The following ADCY2 variants were observed in gnomAD, a reference collection of about 807,000 sequenced individuals.
ADCY2 encodes the protein adenylate cyclase type 2.
ADCY2 carries 31 observed loss-of-function variants against 125.2 expected under a neutral mutation model. The observed-to-expected ratio is 0.25, with a 90% CI of 0.19 to 0.33. The LOEUF (loss-of-function observed/expected upper bound fraction) is 0.33, where lower values mean the gene tolerates loss of function less well. Among genes scored for constraint, ADCY2 ranks in the 10% least tolerant of loss-of-function variants. The pLI, the probability that ADCY2 is intolerant of heterozygous loss-of-function variation, is 1.00. For missense variants in ADCY2, 904 were observed against 1,418.2 expected, an observed-to-expected ratio of 0.64 and a Z score of 5.82; for synonymous variants, 512 against 548.4, an observed-to-expected ratio of 0.93 and a Z score of 0.93.
At chr5:7,712,096 ACT>A (rs1741459622) in intron 10 of ADCY2, among the ~76,000 whole-genome samples, 1 of 152,198 alleles carries the variant, frequency 6.6e-6, no homozygotes, top group African/African-American at 2.4e-5. Context: ...GAGCTCAATC[ACT>A]TTTTCAAAAA....
chr5:7,645,378 CAA>C (rs895866074), intron 4 of ADCY2, among the ~76,000 whole-genome samples: 32 of 152,264 alleles, frequency 2.1e-4, no homozygotes, highest in African/African-American at 7.0e-4. Context: ...TTTGCACCTT[CAA>C]AGTCCTTGGA....
At chr5:7,624,323 C>T (rs948181307) in intron 3 of ADCY2, among the ~76,000 whole-genome samples, 1 of 152,214 alleles carries the variant, frequency 6.6e-6, no homozygotes, top group African/African-American at 2.4e-5. Flanking sequence ...ATTACACTTA[C>T]ACCTATTTGG....
At chr5:7,423,611 T>A (rs1740287373) in intron 2 of ADCY2, among the ~76,000 whole-genome samples, 1 of 152,232 alleles carries the variant, frequency 6.6e-6, no homozygotes, top group African/African-American at 2.4e-5. Context: ...TCCAGCCATG[T>A]GGAACTGTGA....
At chr5:7,547,275 C>G (rs1735175754) in intron 3 of ADCY2, among the ~76,000 whole-genome samples, 1 of 152,206 alleles carries the variant, frequency 6.6e-6, no homozygotes, top group South Asian at 2.1e-4. Context: ...CTCTGTGTCT[C>G]TATGAATTCA....
At chr5:7,816,844 G>C (rs761710962) in intron 22 of ADCY2, 22 bp from the exon 23 acceptor site, 42 of 1,597,540 alleles carry the variant, frequency 2.6e-5, no homozygotes, top group Non-Finnish European at 3.4e-5. Context: ...ACTTCCATCT[G>C]CCTGTGTGTG....
chr5:7,414,466 A>C (rs556179386), intron 1 of ADCY2, 107 bp from the exon 2 acceptor site: 1 of 957,044 alleles, frequency 1.0e-6, no homozygotes, highest in African/African-American at 1.7e-5. Context: ...CTTAAACCCA[A>C]TATATTCTGA....
chr5:7,566,614 T>G (rs1735901566), intron 3 of ADCY2, among the ~76,000 whole-genome samples: 1 of 152,122 alleles, frequency 6.6e-6, no homozygotes, highest in Non-Finnish European at 1.5e-5. Context: ...TAAGCCCCAC[T>G]TTGTAGATGT....
At chr5:7,696,850 T>C (rs1357238959) in intron 6 of ADCY2, among the ~76,000 whole-genome samples, 3 of 152,158 alleles carry the variant, frequency 2.0e-5, no homozygotes, top group Admixed American at 6.5e-5. Flanking sequence ...AAAAAATCAG[T>C]AAAAGCACAG....
At chr5:7,433,110 C>T (rs924404872) in intron 2 of ADCY2, among the ~76,000 whole-genome samples, 5 of 152,108 alleles carry the variant, frequency 3.3e-5, no homozygotes, top group Admixed American at 6.5e-5. Flanking sequence ...TTTGGTGACT[C>T]GCCAAAAAAC....
Position 7,414,777 on chromosome 5 carries a change from T to C in ADCY2, c.408+7T>C. The C allele has an allele frequency of 6.3e-7, 1 of 1,595,636 alleles. No individual in the cohort carries two copies. The highest frequency in any genetic ancestry group is 8.5e-7 in the Non-Finnish European group (1 of 1,174,068). On this transcript the variant is annotated splice_region_variant and intron_variant, in intron 2 of 24. Transcript: ENST00000338316. ...CGTCTCTCCCTGGGACCAGGTAAGG[T>C]GTGAAAATATTTTTTGTACTTCTTT...
intron 3 of ADCY2, among the ~76,000 whole-genome samples, chr5:7,598,935 A>AT (rs1737104718): frequency 6.6e-6 from 1 of 152,158 alleles, no homozygotes; most frequent in Non-Finnish European, 1.5e-5. Flanking sequence ...AGACGTGGAC[A>AT]TTTTTTGTGT....
In ADCY2 at chr5:7,702,086, G is replaced by C. The variant is rs146805337; in HGVS notation, c.1109+3712G>C. Among the ~76,000 whole-genome samples the C allele has an allele frequency of 6.8e-3, 1,028 of 152,170 alleles. 17 individuals are homozygous for C. Among genetic ancestry groups the C allele is most frequent in the African/African-American group, 0.024 (982 of 41,516 alleles). ...GTTTGTTTCATGTATAGTAGACAAG[G>C]TGATCAATAAAATGGTTATTTTGGG... On this transcript the variant is annotated intron_variant, in intron 7 of 24. Transcript: ENST00000338316.
At chr5:7,821,783 T>C (rs1745310613) in intron 24 of ADCY2, among the ~76,000 whole-genome samples, 1 of 152,210 alleles carries the variant, frequency 6.6e-6, no homozygotes. Flanking sequence ...AGACAGTGTG[T>C]GAAGACCACC....
intron 2 of ADCY2, among the ~76,000 whole-genome samples, chr5:7,462,047 CCTGT>C (rs1741936191): frequency 6.6e-6 from 1 of 152,188 alleles, no homozygotes; most frequent in Non-Finnish European, 1.5e-5. Context: ...GAACGCTTTT[CCTGT>C]CTGTCGGTTT....
chr5:7,421,423 C>T (rs1332900910), intron 2 of ADCY2, among the ~76,000 whole-genome samples: 1 of 152,230 alleles, frequency 6.6e-6, no homozygotes, highest in Non-Finnish European at 1.5e-5. Context: ...CACATCACTC[C>T]ATCTCTGCCT....
chr5:7,805,519 T>C (rs928791110), intron 22 of ADCY2, among the ~76,000 whole-genome samples: 1 of 151,816 alleles, frequency 6.6e-6, no homozygotes, highest in African/African-American at 2.4e-5. Context: ...GTTGGAATAT[T>C]AGTAAAAAAG....
At chr5:7,776,255 A>G (rs1246146336) in intron 18 of ADCY2, among the ~76,000 whole-genome samples, 1 of 146,734 alleles carries the variant, frequency 6.8e-6, no homozygotes, top group East Asian at 2.9e-4. Flanking sequence ...ACATCACTTA[A>G]TCCAAAGCCA....
chr5:7,525,048 G>C (rs1734407470), intron 3 of ADCY2, among the ~76,000 whole-genome samples: 1 of 151,926 alleles, frequency 6.6e-6, no homozygotes, highest in African/African-American at 2.4e-5. Flanking sequence ...TGTCACCCAG[G>C]CTGGAGTGCA....
intron 14 of ADCY2, among the ~76,000 whole-genome samples, chr5:7,738,766 A>C (rs1301747264): frequency 6.6e-6 from 1 of 151,978 alleles, no homozygotes; most frequent in African/African-American, 2.4e-5. Context: ...GAAGGCAAGA[A>C]ATATTAACAG....
Sources: gnomAD v4.1 joint callset for allele counts (sites outside exome capture counted in the v4.1 genomes callset) on GRCh38, gnomAD v4.1.1 for gene constraint, MANE v1.5 for transcripts, NCBI Gene and HGNC (gene_info 2026-07-23, HGNC 2026-07-21) for gene names.